DENND5B: variants seen among roughly 807,000 people sequenced by gnomAD.
The protein encoded by DENND5B is DENN domain containing 5B.
A neutral mutation model predicts 140.6 loss-of-function variants in DENND5B; 34 were observed. The observed-to-expected ratio is 0.24, with a 90% CI of 0.18 to 0.32. The LOEUF is 0.32. Among genes scored for constraint, DENND5B ranks in the 10% least tolerant of loss-of-function variants. The pLI is 1.00. For missense variants in DENND5B, 1,142 were observed against 1,560.2 expected, an observed-to-expected ratio of 0.73 and a Z score of 4.52; for synonymous variants, 551 against 562.1, an observed-to-expected ratio of 0.98 and a Z score of 0.28.
chr12:31,404,673 C>T (rs961991196), intron 14 of DENND5B, among the ~76,000 whole-genome samples: 4 of 151,280 alleles, frequency 2.6e-5, no homozygotes, highest in Non-Finnish European at 4.4e-5. Context: ...AGGCTGGTCT[C>T]GAACTCCTGA....
rs775646906 is a variant in DENND5B, at chr12:31,495,952, A to G, written c.128-33T>C. ...AAATAATACATAGTTAATATCTAGAACTTTTCCAAAAGCATGTCATAGTTT... is the reference window on the plus strand; with the variant it reads ...AAATAATACATAGTTAATATCTAGAGCTTTTCCAAAAGCATGTCATAGTTT... On this transcript the variant is annotated intron_variant, in intron 1 of 20. Transcript: ENST00000389082. 32 of 1,449,076 alleles carry G rather than the reference A, an allele frequency of 2.2e-5. No individual in the cohort carries two copies. The South Asian group carries it at 3.4e-4, about 15-fold the overall frequency. 89.8% of individuals were successfully genotyped at this position (1,449,076 alleles called of 1,614,324 possible).
intron 3 of DENND5B, among the ~76,000 whole-genome samples, chr12:31,466,097 C>G (rs915504292): frequency 6.6e-6 from 1 of 152,172 alleles, no homozygotes; most frequent in African/African-American, 2.4e-5. Flanking sequence ...TGGTGGCTCA[C>G]GCCTGTAAGC....
intron 8 of DENND5B, among the ~76,000 whole-genome samples, chr12:31,429,253 C>G (rs988815048): frequency 2.6e-5 from 4 of 152,102 alleles, no homozygotes; most frequent in Non-Finnish European, 5.9e-5. Context: ...GTGATCTGCC[C>G]GCCTTGGCCT....
In DENND5B at chr12:31,525,674, AAT is replaced by A. The variant is rs534889645; in HGVS notation, c.128-29757_128-29756del. On this transcript the variant is annotated intron_variant, in intron 1 of 20. Transcript: ENST00000389082. ...GTGCATTTGATATGTATACGTTAATAATATCTCAATAAAGCCATTTAAAAAAA... is the reference window on the plus strand; with the variant it reads ...GTGCATTTGATATGTATACGTTAATAATCTCAATAAAGCCATTTAAAAAAA... Among the ~76,000 whole-genome samples, 220 of 152,280 alleles carry A rather than the reference AAT, an allele frequency of 1.4e-3. 1 individual carries two copies. The highest frequency in any genetic ancestry group is 4.8e-3 in the African/African-American group (199 of 41,560).
intron 1 of DENND5B, among the ~76,000 whole-genome samples, chr12:31,518,266 T>A (rs1234929635): frequency 6.6e-6 from 1 of 152,240 alleles, no homozygotes; most frequent in Non-Finnish European, 1.5e-5. Flanking sequence ...CAAAAAATGT[T>A]AGACTTGAAT....
At chr12:31,393,029 T>C (rs530388146) in intron 17 of DENND5B, among the ~76,000 whole-genome samples, 89 of 152,318 alleles carry the variant, frequency 5.8e-4, no homozygotes, top group African/African-American at 2.1e-3. Flanking sequence ...TGGTAAGTTA[T>C]AGGAGTAAAT....
chr12:31,569,060 C>CTTTTTTTTTTTTTT (rs1234009016), intron 1 of DENND5B, among the ~76,000 whole-genome samples: 2 of 93,162 alleles, frequency 2.1e-5, no homozygotes, highest in African/African-American at 5.0e-5. Context: ...AGCAACATAC[C>CTTTTTTTTTTTTTT]TTTTTTTTTT....
intron 1 of DENND5B, among the ~76,000 whole-genome samples, chr12:31,534,011 A>C (rs1013612322): frequency 1.3e-5 from 2 of 152,082 alleles, no homozygotes; most frequent in African/African-American, 2.4e-5. Flanking sequence ...AATATTTAAG[A>C]CTTAAATTTT....
At chr12:31,398,474 T>G in intron 16 of DENND5B, 112 bp from the exon 17 acceptor site, 3 of 1,068,400 alleles carry the variant, frequency 2.8e-6, no homozygotes, top group Non-Finnish European at 3.9e-6. Context: ...CTGGCTAATT[T>G]TTGTGTTTTT....
intron 15 of DENND5B, among the ~76,000 whole-genome samples, chr12:31,400,216 ATTC>A (rs1291531523): frequency 2.0e-5 from 3 of 152,006 alleles, no homozygotes; most frequent in Admixed American, 2.0e-4. Context: ...TGACACTGAT[ATTC>A]TTTTCTTTTT....
intron 11 of DENND5B, among the ~76,000 whole-genome samples, chr12:31,416,303 T>C (rs1334236110): frequency 6.6e-6 from 1 of 151,906 alleles, no homozygotes; most frequent in African/African-American, 2.4e-5. Flanking sequence ...GTTGCTCTGT[T>C]GCCAGGCTGA....
chr12:31,404,485 C>T (rs993983414), intron 14 of DENND5B, among the ~76,000 whole-genome samples: 2 of 152,158 alleles, frequency 1.3e-5, no homozygotes, highest in African/African-American at 4.8e-5. Flanking sequence ...TAGAGTTTCA[C>T]TCTTGTCGCT....
rs57966147 is a variant in DENND5B at position 31,529,162 on chromosome 12, CA to C, written c.128-33244del. On this transcript the variant is annotated intron_variant, in intron 1 of 20. Transcript: ENST00000389082. Reference sequence around the variant, plus strand: ...TGCGCAACAGAGCGAAACTCTGTCTCAAAAAAAAAAAAAAAAGAAAAGAAAA... The same window carrying C: ...TGCGCAACAGAGCGAAACTCTGTCTCAAAAAAAAAAAAAAAGAAAAGAAAA... Among the ~76,000 whole-genome samples the C allele has an allele frequency of 2.1e-3, 241 of 113,214 alleles. 1 individual carries two copies. The highest frequency in any genetic ancestry group is 8.9e-3 in the Middle Eastern group (2 of 224). 74.3% of individuals were successfully genotyped at this position (113,214 alleles called of 152,430 possible). A position where few individuals can be genotyped will look rare whatever the true frequency, so the allele number is the denominator to read the frequency against.
chr12:31,463,245 G>A lies in DENND5B; in HGVS notation c.905-2864C>T, dbSNP rs141225261. On this transcript the variant is annotated intron_variant, in intron 3 of 20. Coordinates refer to ENST00000389082, the MANE Select transcript of DENND5B (RefSeq NM_144973.4). ...CTGCACTCCAGGCCTGGGTGACAGA[G>A]TGAGATTCTGTCTCAAAAAAACAAA... Among the ~76,000 whole-genome samples, 573 of 152,110 alleles carry A rather than the reference G, an allele frequency of 3.8e-3. 12 individuals are homozygous for A. Among genetic ancestry groups the A allele is most frequent in the East Asian group, 8.9e-3 (46 of 5,146 alleles).
At chr12:31,394,752 T>C (rs957253784) in intron 17 of DENND5B, among the ~76,000 whole-genome samples, 3 of 152,136 alleles carry the variant, frequency 2.0e-5, no homozygotes, top group African/African-American at 7.2e-5. Context: ...TAGCTGGGAC[T>C]ATTGACACCT....
chr12:31,441,935 G>A (rs749352256), intron 7 of DENND5B, among the ~76,000 whole-genome samples: 10 of 151,882 alleles, frequency 6.6e-5, no homozygotes, highest in South Asian at 2.1e-4. Flanking sequence ...TGCCTGCCTC[G>A]GCCTCCCAAA....
At chr12:31,446,373 T>C (rs1944276625) in intron 6 of DENND5B, among the ~76,000 whole-genome samples, 2 of 152,130 alleles carry the variant, frequency 1.3e-5, no homozygotes, top group African/African-American at 4.8e-5. Flanking sequence ...GGTCTTGAAC[T>C]CCTGACCTCA....
intron 11 of DENND5B, among the ~76,000 whole-genome samples, chr12:31,422,810 A>T (rs1415432421): frequency 9.9e-5 from 15 of 152,134 alleles, no homozygotes; most frequent in Admixed American, 9.2e-4. Flanking sequence ...ATCCTACATA[A>T]TTAGCTAAAA....
intron 1 of DENND5B, among the ~76,000 whole-genome samples, chr12:31,539,652 C>T (rs1450838283): frequency 3.3e-5 from 5 of 151,988 alleles, no homozygotes; most frequent in African/African-American, 1.2e-4. Flanking sequence ...TCAATGGATG[C>T]TTAAAAAGCA....
Sources: allele counts gnomAD v4.1 joint callset (sites outside exome capture counted in the v4.1 genomes callset), GRCh38; gene constraint gnomAD v4.1.1; transcripts MANE v1.5; gene names NCBI Gene and HGNC (gene_info 2026-07-23, HGNC 2026-07-21).